The following VPS50 variants were observed in gnomAD, a reference collection of about 807,000 sequenced individuals.
VPS50 encodes VPS50 subunit of EARP/GARPII complex.
Under a neutral mutation model 139.7 loss-of-function variants are expected in VPS50, and 70 were observed. That is an observed-to-expected ratio of 0.50 (90% CI 0.41 to 0.61). VPS50 has a LOEUF of 0.61. Among genes scored for constraint, VPS50 ranks in the 20% least tolerant of loss-of-function variants. The pLI is 0.00. For synonymous variants in VPS50, 365 were observed against 376.7 expected (o/e 0.97, Z 0.36); for missense variants, 921 against 1,133.7 (o/e 0.81, Z 2.69).
At chr7:93,300,064 A>G (rs1002421032) in intron 16 of VPS50, among the ~76,000 whole-genome samples, 1 of 152,146 alleles carries the variant, frequency 6.6e-6, no homozygotes, top group African/African-American at 2.4e-5. Context: ...ATCTTTTTAG[A>G]AGAAAATGCA....
rs568864769 is a variant in VPS50, at chr7:93,239,878, C to G, written c.46C>G (p.Pro16Ala). 1.2e-6 allele frequency: 2 copies of G among 1,600,062 alleles called. No homozygotes were observed. Among genetic ancestry groups the G allele is most frequent in the African/African-American group, 2.7e-5 (2 of 74,668 alleles). Reference sequence around the variant, plus strand: ...TTATTTTTTTAAGGGTCTGAAAAGCCCTCAAGAAAGCCTCAGTGATCTTGG... The same window carrying G: ...TTATTTTTTTAAGGGTCTGAAAAGCGCTCAAGAAAGCCTCAGTGATCTTGG... ...SLMTRQGLKS[P>A]QESLSDLGAI... Residue 16 changes from proline to alanine, a missense_variant, in exon 2 of 28, where the codon CCT becomes GCT. By Grantham distance (27) the Pro-to-Ala change is conservative. This residue lies in a region of VPS50 where 744 missense variants were observed against 930.6 expected (regional missense o/e 0.80). Transcript: ENST00000305866.
chr7:93,260,633 GT>G lies in VPS50; in HGVS notation c.659+1012del, dbSNP rs35813127. 3.1e-3 allele frequency among the ~76,000 whole-genome samples: 459 copies of G among 147,612 alleles called. 5 individuals carry two copies. Among genetic ancestry groups the G allele is most frequent in the African/African-American group, 0.01 (423 of 40,502 alleles). On this transcript the variant is annotated intron_variant, in intron 9 of 27. Coordinates refer to ENST00000305866, the MANE Select transcript of VPS50 (RefSeq NM_017667.4). ...CAGAAATGCTGTTTAAGTCTCTATG[GT>G]TTTTTTTTTTCTTTAAAATGTGCAG...
At chr7:93,275,308 T>C (rs2116892029) in intron 11 of VPS50, among the ~76,000 whole-genome samples, 1 of 152,310 alleles carries the variant, frequency 6.6e-6, no homozygotes, top group Admixed American at 6.5e-5. Flanking sequence ...GATAAAATGC[T>C]ATCAAACAGC....
chr7:93,344,478 G>C (rs992408041), intron 23 of VPS50, among the ~76,000 whole-genome samples: 6 of 152,192 alleles, frequency 3.9e-5, no homozygotes, highest in Admixed American at 3.9e-4. Flanking sequence ...GCATCAAGCA[G>C]ACCTAATAGA....
intron 23 of VPS50, among the ~76,000 whole-genome samples, chr7:93,344,915 A>G (rs1362427367): frequency 6.6e-6 from 1 of 152,094 alleles, no homozygotes; most frequent in Admixed American, 6.6e-5. Flanking sequence ...CACAATTAAA[A>G]CAACTAGAAA....
rs115095393 is a variant in VPS50 at position 93,236,236 on chromosome 7, C to T, written c.34-3630C>T. ...AGAAATGTGCTTTTGGATTGAGCAGCGTGGAGGTCCTTGGTGCCCCAACTA... is the reference window on the plus strand; with the variant it reads ...AGAAATGTGCTTTTGGATTGAGCAGTGTGGAGGTCCTTGGTGCCCCAACTA... On this transcript the variant is annotated intron_variant, in intron 1 of 27. Coordinates refer to ENST00000305866, the MANE Select transcript of VPS50 (RefSeq NM_017667.4). 7.3e-3 allele frequency among the ~76,000 whole-genome samples: 1,113 copies of T among 152,180 alleles called. 9 individuals carry two copies. Among genetic ancestry groups the T allele is most frequent in the African/African-American group, 0.025 (1,035 of 41,498 alleles).
intron 20 of VPS50, among the ~76,000 whole-genome samples, chr7:93,318,372 T>G (rs1797493330): frequency 6.6e-6 from 1 of 152,188 alleles, no homozygotes; most frequent in Non-Finnish European, 1.5e-5. Flanking sequence ...TACTCTGGTC[T>G]TCACTTCATT....
At chr7:93,264,694 A>C (rs1795787921) in intron 9 of VPS50, among the ~76,000 whole-genome samples, 2 of 152,236 alleles carry the variant, frequency 1.3e-5, no homozygotes, top group South Asian at 4.1e-4. Context: ...TGGCAAATGA[A>C]CACAGCTGAC....
At chr7:93,330,811 C>T (rs1797918777) in intron 21 of VPS50, among the ~76,000 whole-genome samples, 1 of 146,350 alleles carries the variant, frequency 6.8e-6, no homozygotes, top group Admixed American at 6.8e-5. Flanking sequence ...AGATCCTAGT[C>T]TTTGTCATAA....
Position 93,358,479 on chromosome 7 carries a change from A to G in VPS50, c.*43A>G, listed in dbSNP as rs1484375249. ...CCTCAATGGCATTGATCCTCACTCA[A>G]CATATATGACCTGAAAGCCAGTTTT... On this transcript the variant is annotated 3_prime_UTR_variant, in exon 28 of 28. Transcript: ENST00000305866. 1 of 1,572,672 alleles carries G rather than the reference A, an allele frequency of 6.4e-7. No individual in the cohort carries two copies. The highest frequency in any genetic ancestry group is 1.8e-5 in the Admixed American group (1 of 57,138).
chr7:93,310,804 T>G (rs1405189154), intron 19 of VPS50, among the ~76,000 whole-genome samples: 1 of 152,066 alleles, frequency 6.6e-6, no homozygotes, highest in Non-Finnish European at 1.5e-5. Context: ...ATCAATATTC[T>G]GTACTTAATT....
intron 2 of VPS50, chr7:93,246,200 CA>C: frequency 1.0e-6 from 1 of 973,366 alleles, no homozygotes; most frequent in South Asian, 1.5e-5. Flanking sequence ...GAAATGCAAA[CA>C]GTAAAAAAAA....
At chr7:93,318,110 T>TA (rs1290040088) in intron 20 of VPS50, among the ~76,000 whole-genome samples, 2 of 151,440 alleles carry the variant, frequency 1.3e-5, no homozygotes, top group Non-Finnish European at 2.9e-5. Flanking sequence ...ATCTATATAC[T>TA]AATAGGATAA....
In VPS50 at chr7:93,253,847, T is replaced by C. The variant is rs1405266246; in HGVS notation, c.226-13T>C. 2.0e-6 allele frequency: 3 copies of C among 1,526,610 alleles called. No homozygotes were observed. The highest frequency in any genetic ancestry group is 1.8e-6 in the Non-Finnish European group (2 of 1,107,608). The allele number at this position is 1,526,610 out of a possible 1,614,324, so 94.6% of individuals were successfully genotyped here. ...TTATTTTTTCCTCTTCTTTCATGAA[T>C]TTTTTTCTGTAGAAGCTTCCACCTG... On this transcript the variant is annotated splice_polypyrimidine_tract_variant and intron_variant, in intron 3 of 27. Coordinates refer to ENST00000305866, the MANE Select transcript of VPS50 (RefSeq NM_017667.4).
chr7:93,341,946 A>G lies in VPS50; in HGVS notation c.2207+371A>G, dbSNP rs561808085. ...GTGTTAAGTATAGTTGATCCTTGAC[A>G]TCAATAAGAATGCTTCCTGGGGAGA... is the stretch of plus-strand genomic sequence containing the variant. On this transcript the variant is annotated intron_variant, in intron 23 of 27. Transcript: ENST00000305866. Among the ~76,000 whole-genome samples the G allele has an allele frequency of 2.4e-4, 36 of 152,332 alleles. No individual in the cohort carries two copies. In the South Asian group the frequency reaches 2.5e-3, roughly 11 times the overall value.
At chr7:93,337,265 G>T (rs779040284) in intron 22 of VPS50, among the ~76,000 whole-genome samples, 8 of 152,282 alleles carry the variant, frequency 5.3e-5, no homozygotes, top group Middle Eastern at 6.8e-3. Flanking sequence ...CAATTCCAGT[G>T]ATCTTCTAAA....
chr7:93,354,207 C>T (rs1394243680), intron 26 of VPS50, among the ~76,000 whole-genome samples: 3 of 151,902 alleles, frequency 2.0e-5, no homozygotes, highest in South Asian at 2.1e-4. Context: ...CTCAGAAAAC[C>T]GAGACTTAAA....
chr7:93,346,511 C>T (rs1434172150), intron 23 of VPS50, among the ~76,000 whole-genome samples: 10 of 152,108 alleles, frequency 6.6e-5, no homozygotes, highest in South Asian at 6.2e-4. Context: ...GAGCCTGCAT[C>T]GCCAAGTCCA....
intron 9 of VPS50, among the ~76,000 whole-genome samples, chr7:93,270,445 C>T (rs919840363): frequency 6.6e-6 from 1 of 152,014 alleles, no homozygotes; most frequent in African/African-American, 2.4e-5. Flanking sequence ...TTGTGGTTCA[C>T]ATAAATTTTA....
Sources: allele counts gnomAD v4.1 joint callset (sites outside exome capture counted in the v4.1 genomes callset), GRCh38; gene constraint gnomAD v4.1.1; regional missense constraint gnomAD v4.1.1; transcripts MANE v1.5; gene names NCBI Gene and HGNC (gene_info 2026-07-23, HGNC 2026-07-21).